FNBP1: variants seen among roughly 807,000 people sequenced by gnomAD.
The protein encoded by FNBP1 is formin binding protein 1, also known as formin-binding protein 1.
A neutral mutation model predicts 90.6 loss-of-function variants in FNBP1; 26 were observed. That is an observed-to-expected ratio of 0.29 (90% CI 0.21 to 0.40). The LOEUF (loss-of-function observed/expected upper bound fraction) is 0.40, where lower values mean the gene tolerates loss of function less well. Ranked by LOEUF, FNBP1 falls within the 10% of genes least tolerant of loss-of-function variation. FNBP1 has a pLI of 1.00. For synonymous variants in FNBP1, 260 were observed against 265.2 expected (o/e 0.98, Z 0.19); for missense variants, 635 against 768.0 (o/e 0.83, Z 2.05).
chr9:129,898,201 G>C (rs1452545462), intron 15 of FNBP1, among the ~76,000 whole-genome samples: 1 of 152,090 alleles, frequency 6.6e-6, no homozygotes, highest in Non-Finnish European at 1.5e-5. Flanking sequence ...CTTTCCTAAG[G>C]TACAGCTCTG....
intron 6 of FNBP1, among the ~76,000 whole-genome samples, chr9:129,949,462 C>T (rs2045836073): frequency 6.6e-6 from 1 of 152,132 alleles, no homozygotes; most frequent in African/African-American, 2.4e-5. Context: ...ATGACATATA[C>T]TGTCTTATAA....
chr9:129,892,561 G>C (rs1432444833), intron 16 of FNBP1, among the ~76,000 whole-genome samples: 2 of 152,110 alleles, frequency 1.3e-5, no homozygotes, highest in Non-Finnish European at 2.9e-5. Context: ...GAGTAGGCAG[G>C]AAAAGCTTCT....
intron 1 of FNBP1, among the ~76,000 whole-genome samples, chr9:130,034,078 T>C (rs2059073197): frequency 6.6e-6 from 1 of 150,594 alleles, no homozygotes; most frequent in South Asian, 2.1e-4. Flanking sequence ...TCCCAGCACT[T>C]TGGGAGGCCA....
chr9:130,014,655 G>A (rs1035375770), intron 1 of FNBP1, among the ~76,000 whole-genome samples: 3 of 151,930 alleles, frequency 2.0e-5, no homozygotes, highest in Non-Finnish European at 4.4e-5. Flanking sequence ...ACATTCTTTT[G>A]TAATATGCCA....
chr9:129,981,285 C>T (rs1000257676), intron 2 of FNBP1, among the ~76,000 whole-genome samples: 3 of 151,984 alleles, frequency 2.0e-5, no homozygotes, highest in Admixed American at 6.6e-5. Context: ...GACGGGGTTT[C>T]ACCACGTTGG....
intron 6 of FNBP1, among the ~76,000 whole-genome samples, chr9:129,952,896 G>A (rs1374949054): frequency 2.0e-5 from 3 of 151,964 alleles, no homozygotes; most frequent in South Asian, 2.1e-4. Context: ...GTTAATATTC[G>A]CATCAATCCT....
intron 6 of FNBP1, among the ~76,000 whole-genome samples, chr9:129,948,356 C>CTTTTTTTTTTTTTTTTTTTTTTT (rs71385491): frequency 4.7e-5 from 3 of 64,480 alleles, no homozygotes; most frequent in Admixed American, 2.5e-4. Flanking sequence ...ATTTTGGTGT[C>CTTTTTTTTTTTTTTTTTTTTTTT]TTTTTTTTTT....
At chr9:130,020,400 G>A (rs2057706334) in intron 1 of FNBP1, among the ~76,000 whole-genome samples, 2 of 152,094 alleles carry the variant, frequency 1.3e-5, no homozygotes, top group Non-Finnish European at 2.9e-5. Context: ...AGTAGAGACA[G>A]GGTTTCACCA....
At chr9:129,964,125 G>A (rs181532616) in intron 4 of FNBP1, among the ~76,000 whole-genome samples, 10 of 152,292 alleles carry the variant, frequency 6.6e-5, no homozygotes, top group Admixed American at 5.9e-4. Flanking sequence ...CAGTTACAAA[G>A]TTAAACAAAT....
chr9:129,919,051 G>A (rs2295951), intron 10 of FNBP1: 18 of 226,136 alleles, frequency 8.0e-5, no homozygotes, highest in African/African-American at 2.3e-4. Context: ...ATTTCATTTC[G>A]TAGTGTGGAA....
intron 6 of FNBP1, among the ~76,000 whole-genome samples, chr9:129,946,509 T>G (rs534804114): frequency 6.6e-6 from 1 of 152,304 alleles, no homozygotes; most frequent in South Asian, 2.1e-4. Context: ...AGAGCTCTTC[T>G]GGCCATCCAG....
At chr9:129,940,904 C>T (rs1054047641) in intron 6 of FNBP1, among the ~76,000 whole-genome samples, 3 of 151,790 alleles carry the variant, frequency 2.0e-5, no homozygotes, top group South Asian at 2.1e-4. Flanking sequence ...AGATTACAGG[C>T]GTGAGCCACC....
chr9:129,904,058 C>T lies in FNBP1; in HGVS notation c.1296-1057G>A, dbSNP rs185830936. ...TCTCAAACAAAACAAAACAAACAAA[C>T]AAAAACCCCCAAATATTTCCACGTG... is the stretch of plus-strand genomic sequence containing the variant. On this transcript the variant is annotated intron_variant, in intron 12 of 16. Transcript: ENST00000446176. Among the ~76,000 whole-genome samples the T allele has an allele frequency of 2.0e-5, 3 of 152,194 alleles. No homozygotes were observed. In the East Asian group the frequency reaches 5.8e-4, roughly 29 times the overall value.
chr9:129,890,054 C>T lies in FNBP1; in HGVS notation c.*485G>A, dbSNP rs2034967870. 1 of 251,310 alleles carries T rather than the reference C, an allele frequency of 4.0e-6. No homozygotes were observed. The allele number at this position is 251,310 out of a possible 1,614,324, so 15.6% of individuals were successfully genotyped here. A position where few individuals can be genotyped will look rare whatever the true frequency, so the allele number is the denominator to read the frequency against. ...GGAGAGGAGGAAGTGTTTTCTACAG[C>T]AGACAGTCTGGGACACACGGATGAC... On this transcript the variant is annotated 3_prime_UTR_variant, in exon 17 of 17. Coordinates refer to ENST00000446176, the MANE Select transcript of FNBP1 (RefSeq NM_015033.3). This position sits in a 1 kb window ranked among gnomAD's most constrained non-coding sequence, Gnocchi z 5.8.
chr9:129,973,716 G>A (rs2049856804), intron 4 of FNBP1, among the ~76,000 whole-genome samples: 1 of 151,126 alleles, frequency 6.6e-6, no homozygotes, highest in Non-Finnish European at 1.5e-5. Context: ...TGTTGGCCAG[G>A]ATGGTCTCGA....
At chr9:129,930,813 A>G (rs1361127442) in intron 6 of FNBP1, among the ~76,000 whole-genome samples, 3 of 152,144 alleles carry the variant, frequency 2.0e-5, no homozygotes, top group Non-Finnish European at 4.4e-5. Context: ...AATCTCTAAC[A>G]CAATTTGAGG....
intron 6 of FNBP1, among the ~76,000 whole-genome samples, chr9:129,945,697 C>T (rs1040006046): frequency 6.6e-6 from 1 of 152,230 alleles, no homozygotes; most frequent in Non-Finnish European, 1.5e-5. Context: ...GTTGGCAACA[C>T]TGATTCCAAC....
At chr9:130,036,019 A>T (rs569380228) in intron 1 of FNBP1, among the ~76,000 whole-genome samples, 2 of 152,042 alleles carry the variant, frequency 1.3e-5, no homozygotes, top group South Asian at 4.1e-4. Flanking sequence ...TGGCCTCATC[A>T]TTAAAAAAAA....
chr9:130,003,127 C>A (rs57755031), intron 1 of FNBP1, among the ~76,000 whole-genome samples: 127,623 of 151,856 alleles, frequency 0.84, 54,065 homozygotes, highest in East Asian at 0.89. Context: ...TCATTAAGTT[C>A]AAAAAAAAAA....
Sources: allele counts gnomAD v4.1 joint callset (sites outside exome capture counted in the v4.1 genomes callset), GRCh38; gene constraint gnomAD v4.1.1; non-coding constraint Gnocchi (gnomAD v3.1); transcripts MANE v1.5; gene names NCBI Gene and HGNC (gene_info 2026-07-23, HGNC 2026-07-21).